Variants in LRRC4C observed in about 807,000 individuals in gnomAD.
LRRC4C encodes leucine-rich repeat-containing protein 4C.
Under a neutral mutation model 33.6 loss-of-function variants are expected in LRRC4C, and 5 were observed. The ratio of observed to expected loss-of-function variants is 0.15; its 90% CI spans 0.08 to 0.31. The LOEUF (loss-of-function observed/expected upper bound fraction) is 0.31, where lower values mean the gene tolerates loss of function less well. Ranked by LOEUF, LRRC4C falls within the 10% of genes least tolerant of loss-of-function variation. The pLI, the probability that LRRC4C is intolerant of heterozygous loss-of-function variation, is 1.00. For missense variants in LRRC4C, 560 were observed against 796.7 expected, an observed-to-expected ratio of 0.70 and a Z score of 3.58; for synonymous variants, 329 against 302.0, an observed-to-expected ratio of 1.09 and a Z score of -0.93.
At chr11:41,071,304 A>G (rs2862039) in intron 1 of LRRC4C, among the ~76,000 whole-genome samples, 147,190 of 152,156 alleles carry the variant, frequency 0.97, 71,399 homozygotes, top group East Asian at 1. Context: ...ATGGATACAG[A>G]GCTTAAAATC....
intron 1 of LRRC4C, among the ~76,000 whole-genome samples, chr11:40,985,962 A>G (rs1305214169): frequency 6.6e-6 from 1 of 151,932 alleles, no homozygotes; most frequent in African/African-American, 2.4e-5. Flanking sequence ...AACTACATAT[A>G]TAATTTTTAT....
intron 2 of LRRC4C, among the ~76,000 whole-genome samples, chr11:40,783,228 G>A (rs1950284683): frequency 6.6e-6 from 1 of 152,088 alleles, no homozygotes; most frequent in Admixed American, 6.5e-5. Context: ...ATTTTAAGGT[G>A]TTCGGTGATC....
chr11:41,011,036 C>A (rs534440531), intron 1 of LRRC4C, among the ~76,000 whole-genome samples: 2 of 152,168 alleles, frequency 1.3e-5, no homozygotes, highest in East Asian at 3.9e-4. Flanking sequence ...CATTTGACCT[C>A]TTTGGGTATA....
At chr11:41,269,215 A>G (rs1303159770) in intron 1 of LRRC4C, among the ~76,000 whole-genome samples, 3 of 152,226 alleles carry the variant, frequency 2.0e-5, no homozygotes, top group Middle Eastern at 3.4e-3. Context: ...ACAATGTGTA[A>G]GATCCAAAGT....
At chr11:41,253,052 A>G (rs1948692109) in intron 1 of LRRC4C, among the ~76,000 whole-genome samples, 1 of 152,170 alleles carries the variant, frequency 6.6e-6, no homozygotes, top group Admixed American at 6.5e-5. Flanking sequence ...TTTGAGTAAG[A>G]GTCAAGACGA....
intron 5 of LRRC4C, among the ~76,000 whole-genome samples, chr11:40,158,850 A>C (rs1020862022): frequency 6.6e-6 from 1 of 152,212 alleles, no homozygotes; most frequent in Admixed American, 6.5e-5. Flanking sequence ...TGAAACTCAT[A>C]TCAAATCAAT....
intron 2 of LRRC4C, among the ~76,000 whole-genome samples, chr11:40,777,504 T>G (rs1049642104): frequency 2.6e-4 from 39 of 150,418 alleles, no homozygotes; most frequent in Admixed American, 8.0e-4. Context: ...TTACTGTTTT[T>G]TTTTTTTTTT....
At chr11:40,705,681 CT>C (rs764780350) in intron 2 of LRRC4C, among the ~76,000 whole-genome samples, 35 of 151,972 alleles carry the variant, frequency 2.3e-4, no homozygotes, top group Non-Finnish European at 1.3e-4. Context: ...GTGCATGTGT[CT>C]TTATAGTAGC....
At chr11:40,408,467 A>ACCT (rs1380527546) in intron 3 of LRRC4C, among the ~76,000 whole-genome samples, 1 of 151,854 alleles carries the variant, frequency 6.6e-6, no homozygotes, top group African/African-American at 2.4e-5. Flanking sequence ...TTTATATGCT[A>ACCT]CCTCACTTGA....
chr11:40,223,641 A>T (rs769069122), intron 5 of LRRC4C, among the ~76,000 whole-genome samples: 1 of 152,178 alleles, frequency 6.6e-6, no homozygotes, highest in Non-Finnish European at 1.5e-5. Flanking sequence ...TGCCTTTCTC[A>T]TTTGTGTTAC....
At chr11:40,535,489 C>A (rs948296937) in intron 3 of LRRC4C, among the ~76,000 whole-genome samples, 1 of 152,142 alleles carries the variant, frequency 6.6e-6, no homozygotes, top group Non-Finnish European at 1.5e-5. Flanking sequence ...ATCAGCATCA[C>A]CAGGAGACAT....
intron 1 of LRRC4C, among the ~76,000 whole-genome samples, chr11:41,451,962 C>T (rs1956040669): frequency 1.3e-5 from 2 of 152,048 alleles, no homozygotes; most frequent in African/African-American, 4.8e-5. Context: ...ATTAGCAAAC[C>T]CATCCACTGT....
intron 3 of LRRC4C, among the ~76,000 whole-genome samples, chr11:40,429,799 C>T (rs1950850806): frequency 6.6e-6 from 1 of 152,084 alleles, no homozygotes; most frequent in African/African-American, 2.4e-5. Context: ...GCATTTATTG[C>T]ATTTTTGCAA....
At chr11:40,583,527 C>T (rs1476889073) in intron 3 of LRRC4C, among the ~76,000 whole-genome samples, 13 of 152,212 alleles carry the variant, frequency 8.5e-5, no homozygotes, top group Middle Eastern at 3.4e-3. Context: ...ATTTGTTTGG[C>T]GTACCATACC....
At chr11:40,777,001 C>T (rs987205831) in intron 2 of LRRC4C, among the ~76,000 whole-genome samples, 1 of 152,094 alleles carries the variant, frequency 6.6e-6, no homozygotes, top group African/African-American at 2.4e-5. Context: ...CATTCAGAAA[C>T]ACATTTTTAA....
At chr11:40,332,320 C>A (rs1387202103) in intron 3 of LRRC4C, among the ~76,000 whole-genome samples, 1 of 152,124 alleles carries the variant, frequency 6.6e-6, no homozygotes, top group African/African-American at 2.4e-5. Flanking sequence ...ACCTTAACTT[C>A]AATTTCTGTC....
chr11:40,235,519 G>A (rs1187854293), intron 5 of LRRC4C, among the ~76,000 whole-genome samples: 1 of 152,084 alleles, frequency 6.6e-6, no homozygotes, highest in Non-Finnish European at 1.5e-5. Flanking sequence ...GAGAATCAAG[G>A]CACAGTGACA....
intron 5 of LRRC4C, among the ~76,000 whole-genome samples, chr11:40,192,966 G>A (rs866640026): frequency 9.2e-5 from 14 of 152,186 alleles, no homozygotes; most frequent in African/African-American, 3.1e-4. Flanking sequence ...GGGGCTTATA[G>A]ATAAAACTGC....
chr11:41,144,553 A>G (rs536870462), intron 1 of LRRC4C, among the ~76,000 whole-genome samples: 4 of 152,300 alleles, frequency 2.6e-5, no homozygotes, highest in African/African-American at 9.6e-5. Flanking sequence ...ACACACATAT[A>G]TATATATGCA....
Sources: allele counts gnomAD v4.1 joint callset (sites outside exome capture counted in the v4.1 genomes callset), GRCh38; gene constraint gnomAD v4.1.1; transcripts MANE v1.5; gene names NCBI Gene and HGNC (gene_info 2026-07-23, HGNC 2026-07-21).